Variants in THEMIS2 observed in about 807,000 individuals in gnomAD.
The protein encoded by THEMIS2 is protein THEMIS2.
Under a neutral mutation model 46.8 loss-of-function variants are expected in THEMIS2, and 29 were observed. The observed-to-expected ratio is 0.62, with a 90% CI of 0.46 to 0.84. The LOEUF (loss-of-function observed/expected upper bound fraction) is 0.84, where lower values mean the gene tolerates loss of function less well. Ranked by LOEUF, THEMIS2 falls within the 40% of genes least tolerant of loss-of-function variation. THEMIS2 has a pLI of 0.00. For synonymous variants in THEMIS2, 335 were observed against 349.1 expected (o/e 0.96, Z 0.45); for missense variants, 698 against 834.7 (o/e 0.84, Z 2.02).
chr1:27,876,541 G>C, intron 1 of THEMIS2, 47 bp from the exon 2 acceptor site: 2 of 1,599,602 alleles, frequency 1.3e-6, no homozygotes, highest in Non-Finnish European at 1.7e-6. Flanking sequence ...AGGCTGCCCA[G>C]CACTTGGCCC....
chr1:27,885,325 G>A lies in THEMIS2; in HGVS notation c.1750G>A (p.Ala584Thr), dbSNP rs377661678. 49 of 1,613,928 alleles carry A rather than the reference G, an allele frequency of 3.0e-5. No individual in the cohort carries two copies. Among genetic ancestry groups the A allele is most frequent in the Non-Finnish European group, 3.7e-5 (44 of 1,179,984 alleles). Residue 584 changes from alanine to threonine, a missense_variant, in exon 5 of 6, where the codon GCT becomes ACT. Coordinates refer to ENST00000373921, the MANE Select transcript of THEMIS2 (RefSeq NM_001105556.3). The part of the protein sequence containing the change: ...SSQVLGLQQH[A>T]RLPKPKAKTL... ...TCAAGTCTTAGGATTGCAGCAACACGCTCGGCTGCCCAAACCCAAGGCGAA... is the reference window on the plus strand; with the variant it reads ...TCAAGTCTTAGGATTGCAGCAACACACTCGGCTGCCCAAACCCAAGGCGAA...
intron 3 of THEMIS2, 82 bp from the exon 4 acceptor site, chr1:27,881,889 C>A: frequency 8.6e-7 from 1 of 1,164,530 alleles, no homozygotes; most frequent in East Asian, 2.5e-5. Flanking sequence ...GGAGGCCAGC[C>A]GGCCCAGCCA....
Position 27,885,857 on chromosome 1 carries a change from T to G in THEMIS2, c.1877-10T>G, listed in dbSNP as rs754092356. 4 of 1,613,874 alleles carry G rather than the reference T, an allele frequency of 2.5e-6. No individual in the cohort carries two copies. In the African/African-American group the frequency reaches 4.0e-5, roughly 16 times the overall value. ...GCTAAAGATCCTCATTGACTCGGAC[T>G]CTTTTGCAGATGATGATGAACATGA... On this transcript the variant is annotated splice_polypyrimidine_tract_variant and intron_variant, in intron 5 of 5. Transcript: ENST00000373921.
At chr1:27,875,553 G>T (rs1166503524) in intron 1 of THEMIS2, among the ~76,000 whole-genome samples, 2 of 152,184 alleles carry the variant, frequency 1.3e-5, no homozygotes, top group Non-Finnish European at 2.9e-5. Context: ...GCTGGGTTCA[G>T]GTGGCCTCAA....
chr1:27,876,860 C>G, intron 2 of THEMIS2, 132 bp downstream of exon 2: 2 of 1,140,098 alleles, frequency 1.8e-6, no homozygotes, highest in Non-Finnish European at 2.5e-6. Context: ...CTCACATTCA[C>G]CACAACCCAG....
rs770357358 is a variant in THEMIS2, at chr1:27,879,699, C to T, written c.291C>T (p.Val97=). The T allele has an allele frequency of 2.5e-6, 4 of 1,613,806 alleles. No individual in the cohort carries two copies. Among genetic ancestry groups the T allele is most frequent in the East Asian group, 4.5e-5 (2 of 44,856 alleles). ...PQSYETLEEL[V]SATTQSSKQL... is the part of the protein sequence containing the mutation. ...GCTATGAAACCCTGGAGGAGCTGGT[C>T]TCTGCCACAACTCAGAGCTCCAAGC... is the stretch of plus-strand genomic sequence containing the variant. The change falls in exon 3 of 6, where the codon GTC becomes GTT. Residue 97 remains valine (V), a synonymous_variant. Transcript: ENST00000373921.
intron 4 of THEMIS2, 145 bp from the exon 5 acceptor site, chr1:27,885,150 C>A: frequency 1.3e-6 from 1 of 798,938 alleles, no homozygotes; most frequent in Non-Finnish European, 2.0e-6. Context: ...GTAGCAAAAA[C>A]ACCAGGGGTC....
chr1:27,876,676 C>T lies in THEMIS2; in HGVS notation c.183C>T (p.Val61=). Residue 61 remains valine (V), a synonymous_variant, in exon 2 of 6, where the codon GTC becomes GTT. Coordinates refer to ENST00000373921, the MANE Select transcript of THEMIS2 (RefSeq NM_001105556.3). The part of the protein sequence containing the change: ...KVTQVRLQKV[V]CENPKTSQTM... ...CCCAGGTCCGCCTCCAGAAGGTGGT[C>T]TGTGAGAACCCGAAGACCAGCCAGA... 6.2e-7 allele frequency: 1 copy of T among 1,614,094 alleles called. No homozygotes were observed. Among genetic ancestry groups the T allele is most frequent in the South Asian group, 1.1e-5 (1 of 91,072 alleles).
intron 1 of THEMIS2, among the ~76,000 whole-genome samples, chr1:27,874,250 G>T (rs1473740661): frequency 1.3e-5 from 2 of 151,778 alleles, no homozygotes; most frequent in Non-Finnish European, 2.9e-5. Flanking sequence ...GCCCAGGCCG[G>T]TCTCAAACCC....
Position 27,886,265 on chromosome 1 carries a change from G to A in THEMIS2, c.*343G>A. The A allele has an allele frequency of 2.9e-6, 1 of 349,032 alleles. No homozygotes were observed. The highest frequency in any genetic ancestry group is 5.4e-6 in the Non-Finnish European group (1 of 184,430). 21.6% of individuals were successfully genotyped at this position (349,032 alleles called of 1,614,324 possible). A position where few individuals can be genotyped will look rare whatever the true frequency, so the allele number is the denominator to read the frequency against. On this transcript the variant is annotated 3_prime_UTR_variant, in exon 6 of 6. Transcript: ENST00000373921. Reference sequence around the variant, plus strand: ...GGAATCCGAGGCCATCAACCTTGGTGACAGCAGCGCAGTGCCAATGCTGAT... The same window carrying A: ...GGAATCCGAGGCCATCAACCTTGGTAACAGCAGCGCAGTGCCAATGCTGAT...
chr1:27,873,935 C>T, intron 1 of THEMIS2, among the ~76,000 whole-genome samples: 1 of 151,594 alleles, frequency 6.6e-6, no homozygotes, highest in Non-Finnish European at 1.5e-5. Context: ...ATGGCCATGC[C>T]AATAGGGGCA....
chr1:27,882,616 TGGA>T lies in THEMIS2; in HGVS notation c.1297_1299del (p.Glu433del), dbSNP rs762130805. ...CCCTTCCACTTCCCTGGCAGTTTCG[TGGA>T]GGAGATGAGTGACAGCCGGCGCTAC... On this transcript the variant is annotated inframe_deletion, in exon 4 of 6. Transcript: ENST00000373921. This position sits in a 1 kb window ranked among gnomAD's most constrained non-coding sequence, Gnocchi z 7.6. 8 of 1,613,998 alleles carry T rather than the reference TGGA, an allele frequency of 5.0e-6. No homozygotes were observed. The highest frequency in any genetic ancestry group is 1.6e-4 in the Middle Eastern group (1 of 6,084).
rs993186319 is a variant in THEMIS2, at chr1:27,882,544, A to C, written c.1220A>C (p.Glu407Ala). ...RLSDQAGEDE[E>A]EECKEEAESP... Reference sequence around the variant, plus strand: ...AGTGACCAGGCTGGGGAGGATGAGGAGGAAGAGTGCAAAGAGGAGGCAGAG... The same window carrying C: ...AGTGACCAGGCTGGGGAGGATGAGGCGGAAGAGTGCAAAGAGGAGGCAGAG... The change falls in exon 4 of 6, where the codon GAG becomes GCG. Residue 407 changes from glutamate (E) to alanine (A), a missense_variant. Physicochemically the swap from Glu to Ala is moderately radical, Grantham distance 107. Transcript: ENST00000373921. This position sits in a 1 kb window ranked among gnomAD's most constrained non-coding sequence, Gnocchi z 7.6. 8.1e-6 allele frequency: 13 copies of C among 1,614,018 alleles called. No homozygotes were observed. Among genetic ancestry groups the C allele is most frequent in the Non-Finnish European group, 1.0e-5 (12 of 1,179,978 alleles).
chr1:27,879,087 T>C (rs758196843), intron 2 of THEMIS2, among the ~76,000 whole-genome samples: 3 of 151,824 alleles, frequency 2.0e-5, no homozygotes, highest in Non-Finnish European at 2.9e-5. Context: ...GCGAGGTATT[T>C]AGGCCAGCTG....
At chr1:27,873,486 C>A (rs2089524006) in intron 1 of THEMIS2, among the ~76,000 whole-genome samples, 1 of 151,976 alleles carries the variant, frequency 6.6e-6, no homozygotes, top group South Asian at 2.1e-4. Flanking sequence ...AGAGAGCGAA[C>A]TGAGGCTTGA....
intron 3 of THEMIS2, among the ~76,000 whole-genome samples, chr1:27,881,144 ATAG>A (rs965634006): frequency 2.0e-5 from 3 of 151,968 alleles, no homozygotes; most frequent in Admixed American, 6.6e-5. Context: ...AAAAATAAAA[ATAG>A]TAATTTTTTT....
At chr1:27,881,721 G>A (rs1419600478) in intron 3 of THEMIS2, among the ~76,000 whole-genome samples, 5 of 152,066 alleles carry the variant, frequency 3.3e-5, no homozygotes, top group Non-Finnish European at 7.4e-5. Flanking sequence ...CCAGCTACTC[G>A]GGAGGCTGAG....
At chr1:27,881,807 G>A (rs1286570653) in intron 3 of THEMIS2, among the ~76,000 whole-genome samples, 164 bp from the exon 4 acceptor site, 5 of 150,928 alleles carry the variant, frequency 3.3e-5, no homozygotes, top group South Asian at 4.2e-4. Context: ...CAGCCTGTGC[G>A]ACAAGGGCAC....
rs192192869 is a variant in THEMIS2, at chr1:27,883,069, G to A, written c.1719+26G>A. Reference sequence around the variant, plus strand: ...GTACTAGTATAATCCCAGAGGGCACGGAGGGGTCACCTATTGGGATCACTG... The same window carrying A: ...GTACTAGTATAATCCCAGAGGGCACAGAGGGGTCACCTATTGGGATCACTG... On this transcript the variant is annotated intron_variant, in intron 4 of 5. Transcript: ENST00000373921. The A allele has an allele frequency of 3.4e-5, 53 of 1,579,600 alleles. No individual in the cohort carries two copies. The East Asian group carries it at 8.5e-4, about 25-fold the overall frequency.
Sources: gnomAD v4.1 joint callset for allele counts (sites outside exome capture counted in the v4.1 genomes callset) on GRCh38, gnomAD v4.1.1 for gene constraint, Gnocchi (gnomAD v3.1) non-coding constraint, MANE v1.5 for transcripts, NCBI Gene and HGNC (gene_info 2026-07-23, HGNC 2026-07-21) for gene names.